The following PREX2 variants were observed in gnomAD, a reference collection of about 807,000 sequenced individuals.
PREX2 encodes phosphatidylinositol 3,4,5-trisphosphate-dependent Rac exchanger 2 protein.
PREX2 carries 107 observed loss-of-function variants against 203.2 expected under a neutral mutation model. The ratio of observed to expected loss-of-function variants is 0.53; its 90% CI spans 0.45 to 0.62. PREX2 has a LOEUF of 0.62. Among genes scored for constraint, PREX2 ranks in the 20% least tolerant of loss-of-function variants. The pLI is 0.00. For missense variants in PREX2, 1,777 were observed against 1,955.9 expected (o/e 0.91, Z 1.72); for synonymous variants, 672 against 663.6 (o/e 1.01, Z -0.19).
intron 35 of PREX2, chr8:68,176,793 G>A (rs956124883): frequency 6.6e-6 from 1 of 152,130 alleles, no homozygotes; most frequent in African/African-American, 2.4e-5. Context: ...GGTGCTTGGT[G>A]TTGAGGCAAC....
chr8:68,014,474 C>T (rs1807356803), intron 1 of PREX2, among the ~76,000 whole-genome samples: 1 of 152,068 alleles, frequency 6.6e-6, no homozygotes, highest in South Asian at 2.1e-4. Context: ...GTGAGAGCCT[C>T]ACTTCCTCTG....
At chr8:68,163,637 T>A (rs1811695815) in intron 35 of PREX2, among the ~76,000 whole-genome samples, 1 of 152,194 alleles carries the variant, frequency 6.6e-6, no homozygotes, top group African/African-American at 2.4e-5. Context: ...GCAGTCACAG[T>A]TGGAAGGCAG....
chr8:68,135,103 G>A (rs866254529), intron 32 of PREX2, among the ~76,000 whole-genome samples: 4,684 of 146,204 alleles, frequency 0.032, 217 homozygotes, highest in African/African-American at 0.11. Flanking sequence ...CAAATTTTGT[G>A]TGTGTGTGTG....
At chr8:68,073,240 A>G (rs1481841857) in intron 14 of PREX2, among the ~76,000 whole-genome samples, 1 of 150,828 alleles carries the variant, frequency 6.6e-6, no homozygotes, top group East Asian at 1.9e-4. Flanking sequence ...TAAATGATAA[A>G]ATGTGTTTCA....
chr8:68,204,557 G>A (rs890349865), intron 37 of PREX2, among the ~76,000 whole-genome samples: 5 of 151,842 alleles, frequency 3.3e-5, no homozygotes, highest in East Asian at 3.9e-4. Context: ...CTCTGTCTGC[G>A]GCCAGGATCA....
Position 68,080,572 on chromosome 8 carries a change from C to G in PREX2, c.1772C>G (p.Ala591Gly). ...HDLKVVENVI[A>G]KSLLIKSNEG... ...TTAAAAGTTGTGGAAAATGTTATAG[C>G]TAAGTCATTATTGGTAAGTTTATTG... Residue 591 changes from alanine to glycine, a missense_variant, in exon 16 of 40, where the codon GCT (alanine) becomes GGT (glycine). Physicochemically the swap from Ala to Gly is moderately conservative, Grantham distance 60 (BLOSUM62 0). Transcript: ENST00000288368. 1 of 1,602,650 alleles carries G rather than the reference C, an allele frequency of 6.2e-7. No homozygotes were observed. Among genetic ancestry groups the G allele is most frequent in the South Asian group, 1.1e-5 (1 of 89,584 alleles).
rs935803904 is a variant in PREX2 at position 68,234,367 on chromosome 8, C to G, written c.*2989C>G. Reference sequence around the variant, plus strand: ...TGAGCATGGACAACTCCCACCGCCCCCCAACCTAAAAGGGAAGGTCATGCA... The same window carrying G: ...TGAGCATGGACAACTCCCACCGCCCGCCAACCTAAAAGGGAAGGTCATGCA... On this transcript the variant is annotated 3_prime_UTR_variant, in exon 40 of 40. Coordinates refer to ENST00000288368, the MANE Select transcript of PREX2 (RefSeq NM_024870.4). The G allele has an allele frequency of 1.3e-5, 2 of 152,138 alleles. No homozygotes were observed. Among genetic ancestry groups the G allele is most frequent in the Non-Finnish European group, 2.9e-5 (2 of 68,040 alleles). The allele number at this position is 152,138 out of a possible 1,614,324, so 9.4% of individuals were successfully genotyped here.
At chr8:68,043,229 G>A (rs1465106938) in intron 7 of PREX2, among the ~76,000 whole-genome samples, 1 of 152,074 alleles carries the variant, frequency 6.6e-6, no homozygotes, top group Admixed American at 6.6e-5. Flanking sequence ...AACATTTAGA[G>A]GTTGCTTTCA....
chr8:68,072,373 G>A lies in PREX2; in HGVS notation c.1494-122G>A, dbSNP rs112930272. ...GCATGTAATTTGGGCAACTAACTCA[G>A]GTTACAGTGGTAAACTTCTCTGTTG... is the stretch of plus-strand genomic sequence containing the variant. On this transcript the variant is annotated intron_variant, in intron 13 of 39. Transcript: ENST00000288368. 2.5e-3 allele frequency: 1,352 copies of A among 550,012 alleles called. 21 individuals carry two copies. The highest frequency in any genetic ancestry group is 0.024 in the African/African-American group (1,247 of 51,226). The allele number at this position is 550,012 out of a possible 1,614,324, so 34.1% of individuals were successfully genotyped here.
chr8:68,198,120 A>G (rs532084924), intron 37 of PREX2, among the ~76,000 whole-genome samples: 2 of 152,320 alleles, frequency 1.3e-5, no homozygotes, highest in African/African-American at 4.8e-5. Context: ...CCTTATGTAC[A>G]GTACACCAGT....
intron 25 of PREX2, among the ~76,000 whole-genome samples, chr8:68,109,960 T>C (rs1810505296): frequency 6.6e-6 from 1 of 152,204 alleles, no homozygotes. Context: ...GTATTCTTTG[T>C]AGTTCAGGGT....
chr8:68,194,657 C>T (rs537922874), intron 37 of PREX2, among the ~76,000 whole-genome samples: 1 of 151,564 alleles, frequency 6.6e-6, no homozygotes, highest in South Asian at 2.1e-4. Flanking sequence ...AAAAATTAGC[C>T]GGGCATGGTG....
At position 68,027,277 on chromosome 8, in the gene PREX2, T is replaced by A. The variant is rs765695309; in HGVS notation, c.497T>A (p.Leu166Ter). 6.2e-7 allele frequency: 1 copy of A among 1,612,192 alleles called. No homozygotes were observed. The highest frequency in any genetic ancestry group is 1.7e-5 in the Admixed American group (1 of 59,942). The change falls in exon 5 of 40, where the codon TTA (leucine) becomes TAA (stop). Residue 166 changes from leucine (L) to a stop codon, truncating the protein, a stop_gained. Coordinates refer to ENST00000288368, the MANE Select transcript of PREX2 (RefSeq NM_024870.4). LOFTEE classifies it high-confidence loss of function. ...KNTDVPLEGY[L>*]VTPIQRICKY... ...ACAGATGTTCCCTTGGAAGGATATT[T>A]AGTAACACCAATACAAAGAATATGC...
rs375283816 is a variant in PREX2, at chr8:68,017,652, A to C, written c.142-194A>C. 2.0e-3 allele frequency among the ~76,000 whole-genome samples: 298 copies of C among 152,326 alleles called. 5 individuals carry two copies. The highest frequency in any genetic ancestry group is 6.9e-3 in the African/African-American group (286 of 41,570). ...TGATGATTTCTGGCTCTACCCCAAC[A>C]TGGTAATGGAAGTATAATTCCCAGA... On this transcript the variant is annotated intron_variant, in intron 1 of 39. Coordinates refer to ENST00000288368, the MANE Select transcript of PREX2 (RefSeq NM_024870.4).
intron 1 of PREX2, among the ~76,000 whole-genome samples, chr8:67,953,917 CT>C (rs1484816735): frequency 6.6e-6 from 1 of 152,048 alleles, no homozygotes; most frequent in East Asian, 1.9e-4. Flanking sequence ...TTTCATGAAA[CT>C]TTTTTGGTAA....
At chr8:67,959,165 G>T (rs546091646) in intron 1 of PREX2, among the ~76,000 whole-genome samples, 29 of 152,286 alleles carry the variant, frequency 1.9e-4, no homozygotes, top group African/African-American at 6.5e-4. Flanking sequence ...CTGAAACAAA[G>T]AACTAGGAGA....
Position 68,120,188 on chromosome 8 carries a change from A to C in PREX2, c.3505-8A>C. 1 of 1,580,730 alleles carries C rather than the reference A, an allele frequency of 6.3e-7. No individual in the cohort carries two copies. The highest frequency in any genetic ancestry group is 8.7e-7 in the Non-Finnish European group (1 of 1,149,788). The stretch of plus-strand genomic sequence containing the variant: ...AATATGTAACTCGGAAATCTCTACT[A>C]TTGATAGGTGGATTCAATTACCAAT... On this transcript the variant is annotated splice_region_variant and splice_polypyrimidine_tract_variant and intron_variant, in intron 28 of 39. Transcript: ENST00000288368.
chr8:68,146,909 A>T (rs927607009), intron 34 of PREX2, among the ~76,000 whole-genome samples: 4 of 152,292 alleles, frequency 2.6e-5, no homozygotes. Context: ...CAACATCTGC[A>T]GTAGAATAAA....
intron 25 of PREX2, chr8:68,110,807 T>G (rs150949341): frequency 3.5e-4 from 82 of 232,900 alleles, no homozygotes; most frequent in African/African-American, 1.8e-3. Context: ...AAAATTATCC[T>G]CAATATTTAG....
Sources: allele counts gnomAD v4.1 joint callset (sites outside exome capture counted in the v4.1 genomes callset), GRCh38; gene constraint gnomAD v4.1.1; transcripts MANE v1.5; gene names NCBI Gene and HGNC (gene_info 2026-07-23, HGNC 2026-07-21).